Variants in ANO6 observed in about 807,000 individuals in gnomAD.
ANO6 encodes anoctamin 6.
ANO6 carries 106 observed loss-of-function variants against 117.5 expected under a neutral mutation model. The observed-to-expected ratio is 0.90, with a 90% confidence interval of 0.77 to 1.06. The LOEUF (loss-of-function observed/expected upper bound fraction) is 1.06. ANO6 is among the 50% of genes least tolerant of loss of function. The pLI, the probability that ANO6 is intolerant of heterozygous loss-of-function variation, is 0.00. For missense variants in ANO6, 955 were observed against 1,121.1 expected, an observed-to-expected ratio of 0.85 and a Z score of 2.12; for synonymous variants, 367 against 385.1, an observed-to-expected ratio of 0.95 and a Z score of 0.55.
At chr12:45,345,440 G>A (rs1032983932) in intron 3 of ANO6, among the ~76,000 whole-genome samples, 20 of 152,114 alleles carry the variant, frequency 1.3e-4, no homozygotes, top group Admixed American at 9.2e-4. Flanking sequence ...TTGTTCCCTG[G>A]GTAAAGTGTC....
At chr12:45,317,364 A>C (rs1454539759) in intron 2 of ANO6, among the ~76,000 whole-genome samples, 1 of 142,308 alleles carries the variant, frequency 7.0e-6, no homozygotes, top group Admixed American at 7.5e-5. Context: ...GAGTGAGAAC[A>C]TGAAGTGTTT....
intron 1 of ANO6, among the ~76,000 whole-genome samples, chr12:45,293,557 GTATTA>G (rs958771518): frequency 3.3e-5 from 5 of 151,496 alleles, no homozygotes; most frequent in South Asian, 4.2e-4. Context: ...AAAAAATACT[GTATTA>G]TATTATATTT....
intron 10 of ANO6, among the ~76,000 whole-genome samples, chr12:45,380,526 A>G (rs1223621232): frequency 6.6e-6 from 1 of 152,154 alleles, no homozygotes; most frequent in Non-Finnish European, 1.5e-5. Flanking sequence ...CTAGGTCCAC[A>G]CCAGCAAAAT....
exon 20 of ANO6, chr12:45,439,998 T>C (rs866970720): frequency 7.0e-7 from 1 of 1,422,264 alleles, no homozygotes; most frequent in East Asian, 2.5e-5. Flanking sequence ...CAGCATTGTT[T>C]CATGTGCTCA....
downstream of ANO6, among the ~76,000 whole-genome samples, chr12:45,432,683 T>C (rs574219403): frequency 1.3e-3 from 196 of 152,296 alleles, no homozygotes; most frequent in Non-Finnish European, 2.0e-3. Context: ...ATAGCACTTA[T>C]AAATGTAGCA....
chr12:45,224,917 A>T (rs961531773), intron 1 of ANO6, among the ~76,000 whole-genome samples: 1 of 152,224 alleles, frequency 6.6e-6, no homozygotes, highest in Non-Finnish European at 1.5e-5. Context: ...AGGGCCGGAC[A>T]TGATGGGTCA....
At chr12:45,383,533 T>A (rs1187010523) in intron 10 of ANO6, among the ~76,000 whole-genome samples, 1 of 151,546 alleles carries the variant, frequency 6.6e-6, no homozygotes, top group African/African-American at 2.4e-5. Flanking sequence ...TTACTAAATG[T>A]ATTTCTTAAA....
At chr12:45,283,514 G>A (rs1938809720) in intron 1 of ANO6, among the ~76,000 whole-genome samples, 2 of 152,208 alleles carry the variant, frequency 1.3e-5, no homozygotes, top group African/African-American at 4.8e-5. Context: ...CGTTTAGCAA[G>A]AGTGCCACAA....
Position 45,222,437 on chromosome 12 carries a change from G to A in ANO6, c.70+6046G>A, listed in dbSNP as rs147006650. 3.4e-3 allele frequency among the ~76,000 whole-genome samples: 520 copies of A among 152,154 alleles called. 4 individuals carry two copies. Among genetic ancestry groups the A allele is most frequent in the African/African-American group, 0.011 (467 of 41,518 alleles). On this transcript the variant is annotated intron_variant, in intron 1 of 19. Transcript: ENST00000320560. ...CGGCCTCCCAAAGTGCTGAGCAGGC[G>A]TGAGCCACCATGCCTGGCCAGACCA...
rs1363961642 is a variant in ANO6, at chr12:45,350,358, G to A, written c.748-301G>A. 2.0e-5 allele frequency among the ~76,000 whole-genome samples: 3 copies of A among 152,190 alleles called. No homozygotes were observed. The East Asian group carries it at 5.8e-4, about 29-fold the overall frequency. On this transcript the variant is annotated intron_variant, in intron 6 of 19. Coordinates refer to ENST00000320560, the MANE Select transcript of ANO6 (RefSeq NM_001025356.3). The stretch of plus-strand genomic sequence containing the variant: ...CTTGGGTGGCCCAATTTTTCATTGT[G>A]TAGGACTGCCCCACTTAAAGCATTT...
chr12:45,364,084 G>A (rs1478721075), intron 8 of ANO6, among the ~76,000 whole-genome samples: 1 of 152,222 alleles, frequency 6.6e-6, no homozygotes. Context: ...ATACTTGGTT[G>A]ACAGTCTTTC....
rs1941364313 is a variant in ANO6, at chr12:45,354,596, A to T, written c.864-2694A>T. Among the ~76,000 whole-genome samples the T allele has an allele frequency of 2.0e-5, 3 of 152,164 alleles. No homozygotes were observed. In the South Asian group the frequency reaches 6.2e-4, roughly 31 times the overall value. On this transcript the variant is annotated intron_variant, in intron 7 of 19. Coordinates refer to ENST00000320560, the MANE Select transcript of ANO6 (RefSeq NM_001025356.3). ...GAGGTCTGAGGGCATTTATTCAAGG[A>T]GTTGAAACTGAAAGACAATCTCATG...
intron 10 of ANO6, among the ~76,000 whole-genome samples, chr12:45,379,295 C>T (rs1942109814): frequency 6.6e-6 from 1 of 152,186 alleles, no homozygotes; most frequent in African/African-American, 2.4e-5. Context: ...GATCACAGAA[C>T]AGACAATCCA....
At chr12:45,423,607 T>A (rs1943420673) in intron 19 of ANO6, among the ~76,000 whole-genome samples, 1 of 152,200 alleles carries the variant, frequency 6.6e-6, no homozygotes, top group African/African-American at 2.4e-5. Context: ...CTATGGTGGC[T>A]TAAATAAGGT....
chr12:45,226,775 C>T (rs1221644914), intron 1 of ANO6, among the ~76,000 whole-genome samples: 4 of 151,654 alleles, frequency 2.6e-5, no homozygotes, highest in African/African-American at 9.7e-5. Context: ...AAATATATTT[C>T]CCACTAAATT....
intron 1 of ANO6, among the ~76,000 whole-genome samples, chr12:45,254,750 G>A (rs117004580): frequency 0.022 from 3,338 of 152,288 alleles, 64 homozygotes; most frequent in East Asian, 0.068. Context: ...CAGAATTACA[G>A]ATATGTAAGA....
At chr12:45,319,834 G>A (rs139909148) in intron 2 of ANO6, among the ~76,000 whole-genome samples, 2,392 of 152,202 alleles carry the variant, frequency 0.016, 53 homozygotes, top group African/African-American at 0.053. Flanking sequence ...CTTCTTCCTG[G>A]TTTAGTCTTG....
chr12:45,233,843 A>C (rs1947608918), intron 1 of ANO6, among the ~76,000 whole-genome samples: 2 of 152,126 alleles, frequency 1.3e-5, no homozygotes, highest in Admixed American at 6.5e-5. Flanking sequence ...CCCATTCTTG[A>C]GCTTCGTTCT....
At chr12:45,355,339 C>A (rs1941382650) in intron 7 of ANO6, among the ~76,000 whole-genome samples, 1 of 151,972 alleles carries the variant, frequency 6.6e-6, no homozygotes, top group Admixed American at 6.6e-5. Context: ...TCTTTCTGGC[C>A]TTGCCTACAA....
Sources: gnomAD v4.1 joint callset for allele counts (sites outside exome capture counted in the v4.1 genomes callset) on GRCh38, gnomAD v4.1.1 for gene constraint, MANE v1.5 for transcripts, NCBI Gene and HGNC (gene_info 2026-07-23, HGNC 2026-07-21) for gene names.